MPP7: variants seen among roughly 807,000 people sequenced by gnomAD.
The protein encoded by MPP7 is MAGUK p55 subfamily member 7.
Under a neutral mutation model 76.5 loss-of-function variants are expected in MPP7, and 60 were observed. The observed-to-expected ratio is 0.78, with a 90% confidence interval of 0.64 to 0.97. The LOEUF (loss-of-function observed/expected upper bound fraction) is 0.97, where lower values mean the gene tolerates loss of function less well. Among genes scored for constraint, MPP7 ranks in the 50% least tolerant of loss-of-function variants. The pLI is 0.00. For synonymous variants in MPP7, 237 were observed against 244.5 expected (o/e 0.97, Z 0.29); for missense variants, 641 against 694.0 (o/e 0.92, Z 0.86).
intron 2 of MPP7, among the ~76,000 whole-genome samples, chr10:28,228,595 G>A (rs12256163): frequency 1.6e-4 from 25 of 152,058 alleles, no homozygotes; most frequent in African/African-American, 5.5e-4. Context: ...GTGAAACCCT[G>A]TCTCTACTAA....
At chr10:28,218,090 C>T (rs1207321965) in intron 2 of MPP7, among the ~76,000 whole-genome samples, 1 of 152,162 alleles carries the variant, frequency 6.6e-6, no homozygotes, top group African/African-American at 2.4e-5. Context: ...GGAGCCTGAT[C>T]AAAGTGATGA....
intron 3 of MPP7, among the ~76,000 whole-genome samples, chr10:28,193,453 C>T (rs562879749): frequency 4.6e-5 from 7 of 152,148 alleles, no homozygotes; most frequent in South Asian, 2.1e-4. Context: ...CCTCATGATC[C>T]GCCCGCCTCG....
chr10:28,214,955 T>C (rs188843583), intron 2 of MPP7, among the ~76,000 whole-genome samples: 3 of 152,134 alleles, frequency 2.0e-5, no homozygotes, highest in Admixed American at 6.5e-5. Context: ...AGATCAGTGC[T>C]TGAGATATTT....
chr10:28,129,537 G>A lies in MPP7; in HGVS notation c.447+2023C>T, dbSNP rs12258852. 4.4e-3 allele frequency among the ~76,000 whole-genome samples: 667 copies of A among 150,468 alleles called. 5 individuals are homozygous for A. The highest frequency in any genetic ancestry group is 0.014 in the African/African-American group (571 of 40,836). ...CAGGAAGCGGAGGTTGCAGTGAGCCGAGATCACGCCACTGCACTCCAGCCT... is the reference window on the plus strand; with the variant it reads ...CAGGAAGCGGAGGTTGCAGTGAGCCAAGATCACGCCACTGCACTCCAGCCT... On this transcript the variant is annotated intron_variant, in intron 6 of 16. Coordinates refer to ENST00000683449, the MANE Select transcript of MPP7 (RefSeq NM_001318170.2).
chr10:28,159,709 C>T (rs1327271894), intron 3 of MPP7, among the ~76,000 whole-genome samples: 2 of 152,174 alleles, frequency 1.3e-5, no homozygotes, highest in Admixed American at 6.5e-5. Context: ...GCAGCTGATA[C>T]TTTCTTAGAG....
chr10:28,333,230 C>T (rs1379265595), intron 1 of MPP7, among the ~76,000 whole-genome samples: 3 of 152,152 alleles, frequency 2.0e-5, no homozygotes, highest in African/African-American at 4.8e-5. Flanking sequence ...CTGCAACCTC[C>T]GCCTCCCTGG....
chr10:28,120,530 G>C (rs953493104), intron 9 of MPP7, 64 bp downstream of exon 9: 10 of 1,521,034 alleles, frequency 6.6e-6, no homozygotes, highest in Non-Finnish European at 9.1e-6. Flanking sequence ...AAGTGGATAT[G>C]TGTTGGATGG....
At chr10:28,276,848 C>G (rs1385185826) in intron 1 of MPP7, among the ~76,000 whole-genome samples, 3 of 152,142 alleles carry the variant, frequency 2.0e-5, no homozygotes, top group South Asian at 4.1e-4. Flanking sequence ...AATAATAGCC[C>G]TATCGTTTGA....
At chr10:28,250,565 C>T (rs1030882431) in intron 1 of MPP7, among the ~76,000 whole-genome samples, 1 of 152,168 alleles carries the variant, frequency 6.6e-6, no homozygotes, top group Non-Finnish European at 1.5e-5. Context: ...TTCAAAGATC[C>T]TTACGTGATC....
At chr10:28,318,121 G>T (rs1048391971) in intron 2 of MPP7, among the ~76,000 whole-genome samples, 1 of 152,100 alleles carries the variant, frequency 6.6e-6, no homozygotes, top group Non-Finnish European at 1.5e-5. Context: ...CCAAAAGAGC[G>T]GGCATTCCAA....
intron 7 of MPP7, among the ~76,000 whole-genome samples, chr10:28,124,626 C>T (rs551904781): frequency 6.6e-6 from 1 of 150,906 alleles, no homozygotes; most frequent in South Asian, 2.1e-4. Context: ...CAGGTGCCCG[C>T]CACCACACTT....
chr10:28,312,458 G>GT (rs1841295413), intron 2 of MPP7, among the ~76,000 whole-genome samples: 1 of 152,122 alleles, frequency 6.6e-6, no homozygotes, highest in Admixed American at 6.6e-5. Context: ...CAATCCTCCT[G>GT]TAAGACAAAA....
chr10:28,096,577 A>G (rs1355334081), intron 11 of MPP7, among the ~76,000 whole-genome samples: 1 of 152,136 alleles, frequency 6.6e-6, no homozygotes, highest in African/African-American at 2.4e-5. Flanking sequence ...AAGGTTTTCA[A>G]TTTTCCTTTT....
intron 12 of MPP7, among the ~76,000 whole-genome samples, chr10:28,070,612 C>T (rs768412558): frequency 5.9e-5 from 9 of 152,228 alleles, no homozygotes; most frequent in Non-Finnish European, 7.3e-5. Context: ...GCCACATTTA[C>T]ATGTGCTGAG....
chr10:28,313,334 C>T (rs1412722242), intron 2 of MPP7, among the ~76,000 whole-genome samples: 1 of 151,992 alleles, frequency 6.6e-6, no homozygotes, highest in Non-Finnish European at 1.5e-5. Flanking sequence ...GGTGAAACCC[C>T]GTTTCTACAA....
At chr10:28,206,877 A>G (rs1439354677) in intron 2 of MPP7, among the ~76,000 whole-genome samples, 2 of 152,186 alleles carry the variant, frequency 1.3e-5, no homozygotes, top group African/African-American at 2.4e-5. Flanking sequence ...CCTTTCCCTA[A>G]GGAATAATAA....
chr10:28,143,379 G>T (rs1360363853), intron 5 of MPP7, among the ~76,000 whole-genome samples: 1 of 152,092 alleles, frequency 6.6e-6, no homozygotes, highest in African/African-American at 2.4e-5. Context: ...TATCAAAAAA[G>T]AATATTTCTG....
At chr10:28,288,902 T>C (rs1840847564) in intron 1 of MPP7, among the ~76,000 whole-genome samples, 1 of 152,166 alleles carries the variant, frequency 6.6e-6, no homozygotes, top group African/African-American at 2.4e-5. Flanking sequence ...ATATTTTGTA[T>C]TAGGCTCGGG....
intron 2 of MPP7, among the ~76,000 whole-genome samples, chr10:28,206,406 C>T (rs1341368780): frequency 6.6e-6 from 1 of 151,960 alleles, no homozygotes; most frequent in Non-Finnish European, 1.5e-5. Context: ...GAAATACATA[C>T]CTAATTAATT....
Sources: gnomAD v4.1 joint callset for allele counts (sites outside exome capture counted in the v4.1 genomes callset) on GRCh38, gnomAD v4.1.1 for gene constraint, MANE v1.5 for transcripts, NCBI Gene and HGNC (gene_info 2026-07-23, HGNC 2026-07-21) for gene names.